The following FANCC variants were observed in gnomAD, a reference collection of about 807,000 sequenced individuals.
FANCC encodes Fanconi anemia group C protein.
In FANCC, 55 loss-of-function variants were observed where a neutral mutation model predicts 71.3. That is an observed-to-expected ratio of 0.77 (90% CI 0.62 to 0.97). The LOEUF is 0.97. Ranked by LOEUF, FANCC falls within the 50% of genes least tolerant of loss-of-function variation. FANCC has a pLI of 0.00. For missense variants in FANCC, 678 were observed against 670.9 expected (o/e 1.01, Z -0.12); for synonymous variants, 275 against 244.9 (o/e 1.12, Z -1.15).
At chr9:95,127,383 G>A (rs892598814) in intron 8 of FANCC, 1 of 152,266 alleles carries the variant, frequency 6.6e-6, no homozygotes, top group Non-Finnish European at 1.5e-5. Context: ...CCAGGTACCG[G>A]TTTCTTGGAA....
chr9:95,295,562 A>C (rs1477504078), intron 1 of FANCC, among the ~76,000 whole-genome samples: 2 of 152,148 alleles, frequency 1.3e-5, no homozygotes, highest in African/African-American at 4.8e-5. Context: ...ATCTGAGGCC[A>C]GAGTTTGAGA....
chr9:95,305,473 T>C (rs745667041), intron 1 of FANCC, among the ~76,000 whole-genome samples: 1 of 152,214 alleles, frequency 6.6e-6, no homozygotes, highest in African/African-American at 2.4e-5. Flanking sequence ...CAAAAAAATG[T>C]GCTTCAAATC....
At chr9:95,144,845 C>T (rs569907957) in intron 7 of FANCC, among the ~76,000 whole-genome samples, 4 of 152,260 alleles carry the variant, frequency 2.6e-5, no homozygotes, top group East Asian at 3.9e-4. Context: ...AGGAAAGAAT[C>T]GAGCGCCGCG....
intron 3 of FANCC, among the ~76,000 whole-genome samples, chr9:95,241,685 G>A (rs1588339194): frequency 6.6e-6 from 1 of 151,784 alleles, no homozygotes; most frequent in East Asian, 1.9e-4. Context: ...TTTGAGACAG[G>A]GTCTCGCTCT....
At chr9:95,279,212 G>A (rs1833228066) in intron 1 of FANCC, among the ~76,000 whole-genome samples, 1 of 152,052 alleles carries the variant, frequency 6.6e-6, no homozygotes, top group Non-Finnish European at 1.5e-5. Context: ...TAATCACTCA[G>A]GAGGCTGAAC....
chr9:95,247,935 A>G (rs1831096308), intron 2 of FANCC, among the ~76,000 whole-genome samples: 1 of 152,220 alleles, frequency 6.6e-6, no homozygotes, highest in African/African-American at 2.4e-5. Flanking sequence ...TTACGAACTC[A>G]GCTCCAGTAA....
chr9:95,237,607 G>C (rs540018485), intron 4 of FANCC, among the ~76,000 whole-genome samples: 3 of 152,300 alleles, frequency 2.0e-5, no homozygotes, highest in Middle Eastern at 3.4e-3. Flanking sequence ...ACTGAACTTT[G>C]TATTTAATTT....
chr9:95,277,062 G>A (rs911533073), intron 1 of FANCC, among the ~76,000 whole-genome samples: 4 of 152,144 alleles, frequency 2.6e-5, no homozygotes, highest in African/African-American at 7.2e-5. Context: ...GCATTCCTAC[G>A]CATGATGGTA....
chr9:95,201,815 T>TA (rs879246015), intron 4 of FANCC, among the ~76,000 whole-genome samples: 2 of 152,230 alleles, frequency 1.3e-5, no homozygotes, highest in Admixed American at 6.5e-5. Context: ...GCCACCTACT[T>TA]AGATAGCTGT....
intron 1 of FANCC, among the ~76,000 whole-genome samples, chr9:95,265,691 T>C (rs1247705950): frequency 1.3e-5 from 2 of 152,230 alleles, no homozygotes; most frequent in Non-Finnish European, 2.9e-5. Flanking sequence ...TCTTGCCTTG[T>C]GACTTGGCTC....
chr9:95,265,332 G>C (rs564870336), intron 1 of FANCC, among the ~76,000 whole-genome samples: 1 of 152,204 alleles, frequency 6.6e-6, no homozygotes, highest in African/African-American at 2.4e-5. Context: ...GATAACTCTG[G>C]GGATTTACTA....
intron 11 of FANCC, among the ~76,000 whole-genome samples, chr9:95,116,551 G>A (rs185821764): frequency 2.0e-5 from 3 of 152,324 alleles, no homozygotes; most frequent in Admixed American, 1.3e-4. Context: ...TGACTGGCTC[G>A]TTCCCTTCTG....
chr9:95,275,098 C>T (rs1318683455), intron 1 of FANCC, among the ~76,000 whole-genome samples: 13 of 149,690 alleles, frequency 8.7e-5, no homozygotes, highest in Non-Finnish European at 1.9e-4. Context: ...ATACCAAGAC[C>T]CTGTCTCTAC....
intron 1 of FANCC, among the ~76,000 whole-genome samples, chr9:95,263,207 T>C (rs903423040): frequency 6.6e-6 from 1 of 152,164 alleles, no homozygotes; most frequent in South Asian, 2.1e-4. Context: ...GCTGCATCCC[T>C]GCCCTGCTGT....
In FANCC at chr9:95,101,479, C is replaced by T. The variant is rs906537093; in HGVS notation, c.*228G>A. 1.7e-6 allele frequency: 1 copy of T among 595,710 alleles called. No individual in the cohort carries two copies. Among genetic ancestry groups the T allele is most frequent in the African/African-American group, 1.8e-5 (1 of 54,062 alleles). The allele number at this position is 595,710 out of a possible 1,614,324, so 36.9% of individuals were successfully genotyped here. On this transcript the variant is annotated 3_prime_UTR_variant, in exon 15 of 15. Transcript: ENST00000289081. ...GGGCGGGCACCAGGAGTACCGAAGG[C>T]TCACTTGAGTCATTAGTGAACATGT...
At chr9:95,124,173 C>CG (rs1564664311) in intron 10 of FANCC, among the ~76,000 whole-genome samples, 1 of 143,926 alleles carries the variant, frequency 6.9e-6, no homozygotes, top group African/African-American at 2.6e-5. Flanking sequence ...TTGACGTTGG[C>CG]GGGGGGTGTG....
intron 4 of FANCC, among the ~76,000 whole-genome samples, chr9:95,213,488 A>C (rs1173817669): frequency 6.6e-6 from 1 of 152,178 alleles, no homozygotes; most frequent in East Asian, 1.9e-4. Context: ...TACAGAGTCC[A>C]ATAATAAATC....
At chr9:95,313,490 T>A (rs1163142464) in intron 1 of FANCC, among the ~76,000 whole-genome samples, 1 of 152,202 alleles carries the variant, frequency 6.6e-6, no homozygotes, top group Non-Finnish European at 1.5e-5. Context: ...ATTTCAAATT[T>A]CCCTATAAAG....
chr9:95,158,695 A>G (rs961903689), intron 6 of FANCC, among the ~76,000 whole-genome samples: 1 of 152,238 alleles, frequency 6.6e-6, no homozygotes, highest in Non-Finnish European at 1.5e-5. Flanking sequence ...AACTGCTTCT[A>G]AAGAAGTAGT....
Sources: gnomAD v4.1 joint callset for allele counts (sites outside exome capture counted in the v4.1 genomes callset) on GRCh38, gnomAD v4.1.1 for gene constraint, MANE v1.5 for transcripts, NCBI Gene and HGNC (gene_info 2026-07-23, HGNC 2026-07-21) for gene names.